GON4L: variants seen among roughly 807,000 people sequenced by gnomAD.
GON4L encodes the protein GON-4-like protein.
In GON4L, 87 loss-of-function variants were observed where a neutral mutation model predicts 211.8. The ratio of observed to expected loss-of-function variants is 0.41; its 90% CI spans 0.35 to 0.49. The LOEUF (loss-of-function observed/expected upper bound fraction) is 0.49. Among genes scored for constraint, GON4L ranks in the 20% least tolerant of loss-of-function variants. GON4L has a pLI of 0.15. For missense variants in GON4L, 2,155 were observed against 2,659.5 expected, an observed-to-expected ratio of 0.81 and a Z score of 4.17; for synonymous variants, 875 against 962.6, an observed-to-expected ratio of 0.91 and a Z score of 1.68.
chr1:155,824,032 G>A (rs1411574618), intron 3 of GON4L, among the ~76,000 whole-genome samples: 1 of 151,954 alleles, frequency 6.6e-6, no homozygotes, highest in Admixed American at 6.6e-5. Flanking sequence ...TCCACCCAAC[G>A]AAAAAGAAGT....
intron 10 of GON4L, among the ~76,000 whole-genome samples, chr1:155,807,878 TG>T (rs1667307142): frequency 6.6e-6 from 1 of 151,984 alleles, no homozygotes; most frequent in South Asian, 2.1e-4. Context: ...GCATTGAATC[TG>T]TAGATCAATT....
At chr1:155,785,144 A>G (rs751427066) in intron 13 of GON4L, 190 bp downstream of exon 13, 25 of 688,468 alleles carry the variant, frequency 3.6e-5, no homozygotes, top group Non-Finnish European at 6.2e-5. Flanking sequence ...AACAACATAC[A>G]TGTATATAAT....
chr1:155,773,560 G>C (rs762890308), intron 17 of GON4L: 3 of 233,404 alleles, frequency 1.3e-5, no homozygotes, highest in Non-Finnish European at 1.7e-5. Flanking sequence ...TGAAGGATAA[G>C]AGACCTTCAA....
At chr1:155,767,224 T>C (rs567304019) in intron 20 of GON4L, 20 of 1,263,582 alleles carry the variant, frequency 1.6e-5, no homozygotes, top group East Asian at 2.5e-5. Context: ...TAGCAAATTA[T>C]TATTTTACCT....
At chr1:155,812,650 G>A (rs1393917402) in intron 10 of GON4L, among the ~76,000 whole-genome samples, 1 of 151,780 alleles carries the variant, frequency 6.6e-6, no homozygotes, top group Admixed American at 6.6e-5. Context: ...CTGCCTCCCG[G>A]GTTCAAGCGA....
At chr1:155,833,389 CCT>C (rs1669974190) in intron 2 of GON4L, among the ~76,000 whole-genome samples, 1 of 152,032 alleles carries the variant, frequency 6.6e-6, no homozygotes, top group African/African-American at 2.4e-5. Flanking sequence ...GTGGCTCACA[CCT>C]GTGATCCCAG....
intron 6 of GON4L, among the ~76,000 whole-genome samples, chr1:155,816,884 A>C (rs1668299234): frequency 6.6e-6 from 1 of 151,868 alleles, no homozygotes; most frequent in African/African-American, 2.4e-5. Context: ...GAGAGATATA[A>C]AGCAAATATG....
intron 2 of GON4L, among the ~76,000 whole-genome samples, chr1:155,835,614 TG>T (rs1013616896): frequency 6.6e-6 from 1 of 152,172 alleles, no homozygotes; most frequent in African/African-American, 2.4e-5. Context: ...GGGACCCTCA[TG>T]GGCTGATGCC....
rs1002885633 is a variant in GON4L at position 155,794,991 on chromosome 1, G to A, written c.1747+59C>T. The stretch of plus-strand genomic sequence containing the variant: ...AACTTCACCCCTAAAAATCTACAAA[G>A]TAAACAAAGACAGCTGCAAAGCAGT... On this transcript the variant is annotated intron_variant, in intron 12 of 31. Coordinates refer to ENST00000368331, the MANE Select transcript of GON4L (RefSeq NM_001282860.2). 4 of 985,794 alleles carry A rather than the reference G, an allele frequency of 4.1e-6. No homozygotes were observed. In the Admixed American group the frequency reaches 5.1e-5, roughly 13 times the overall value. The allele number at this position is 985,794 out of a possible 1,614,324, so 61.1% of individuals were successfully genotyped here.
chr1:155,754,477 C>A lies in GON4L; in HGVS notation c.5529G>T (p.Trp1843Cys). The change falls in exon 28 of 32, where the codon TGG becomes TGT. Residue 1843 changes from tryptophan to cysteine, a missense_variant. Around this residue, in one of 6 missense-constraint regions of GON4L, gnomAD observed 455 missense variants for 504.6 expected, o/e 0.90. Coordinates refer to ENST00000368331, the MANE Select transcript of GON4L (RefSeq NM_001282860.2). Reference protein sequence around the residue: ...GVQNHDKETEWPDGAKDCACS... With the variant: ...GVQNHDKETECPDGAKDCACS... ...AGGCACAGTCCTTGGCCCCATCTGGCCATTCAGTCTCCTAGGAGATACTTG... is the reference window on the plus strand; with the variant it reads ...AGGCACAGTCCTTGGCCCCATCTGGACATTCAGTCTCCTAGGAGATACTTG... 1 of 1,601,646 alleles carries A rather than the reference C, an allele frequency of 6.2e-7. No individual in the cohort carries two copies. Among genetic ancestry groups the A allele is most frequent in the South Asian group, 1.1e-5 (1 of 90,824 alleles).
intron 11 of GON4L, among the ~76,000 whole-genome samples, chr1:155,795,795 G>A (rs1210877437): frequency 6.6e-6 from 1 of 152,038 alleles, no homozygotes; most frequent in Non-Finnish European, 1.5e-5. Flanking sequence ...ATGCCACCAT[G>A]CCCAACTAAT....
At chr1:155,745,697 C>T (rs1571592571), downstream of GON4L, 1 of 781,804 alleles carries the variant, frequency 1.3e-6, no homozygotes, top group Non-Finnish European at 2.0e-6. Flanking sequence ...CATCATTTCT[C>T]CAATGGGAAA....
Position 155,757,341 on chromosome 1 carries a change from G to C in GON4L, c.5254-18C>G, listed in dbSNP as rs749935897. 2.5e-6 allele frequency: 4 copies of C among 1,611,520 alleles called. No individual in the cohort carries two copies. The highest frequency in any genetic ancestry group is 1.3e-5 in the African/African-American group (1 of 74,948). On this transcript the variant is annotated intron_variant, in intron 25 of 31. Coordinates refer to ENST00000368331, the MANE Select transcript of GON4L (RefSeq NM_001282860.2). ...GTCTTGAGCTGAGGAGAGTCACAGA[G>C]GGAAAGAGGAAGTCTCCAGAGCCTC...
At chr1:155,760,964 CAT>C (rs1453204869) in intron 23 of GON4L, among the ~76,000 whole-genome samples, 5 of 152,144 alleles carry the variant, frequency 3.3e-5, no homozygotes, top group Admixed American at 6.5e-5. Flanking sequence ...AAATAGGTAA[CAT>C]GTGTTTGTAC....
chr1:155,794,659 A>T (rs1158794049), intron 12 of GON4L, among the ~76,000 whole-genome samples: 1 of 152,128 alleles, frequency 6.6e-6, no homozygotes, highest in Admixed American at 6.6e-5. Context: ...AGTCCATATC[A>T]TACACTAGGA....
intron 19 of GON4L, among the ~76,000 whole-genome samples, chr1:155,769,452 C>T (rs1181872266): frequency 1.4e-4 from 22 of 152,092 alleles, no homozygotes. Flanking sequence ...CCCAAAACAT[C>T]AGTGCAGCAA....
rs1344256639 is a variant in GON4L, at chr1:155,856,802, C to T, written c.-27+345G>A. Among the ~76,000 whole-genome samples the T allele has an allele frequency of 7.4e-5, 11 of 148,032 alleles. No individual in the cohort carries two copies. In the East Asian group the frequency reaches 2.1e-3, roughly 29 times the overall value. Reference sequence around the variant, plus strand: ...AGAAAGAAAAAGAAGGAAAGAAAGACAGCTACTTCAGCTCCAGGCACCTCA... The same window carrying T: ...AGAAAGAAAAAGAAGGAAAGAAAGATAGCTACTTCAGCTCCAGGCACCTCA... On this transcript the variant is annotated intron_variant, in intron 1 of 31. Coordinates refer to ENST00000368331, the MANE Select transcript of GON4L (RefSeq NM_001282860.2).
At chr1:155,797,676 C>T (rs555606010) in intron 11 of GON4L, among the ~76,000 whole-genome samples, 2 of 149,448 alleles carry the variant, frequency 1.3e-5, no homozygotes, top group African/African-American at 2.5e-5. Context: ...AGACCCCCCC[C>T]CTCCCGTCTC....
At chr1:155,803,949 G>T (rs1342193230) in intron 11 of GON4L, among the ~76,000 whole-genome samples, 2 of 152,200 alleles carry the variant, frequency 1.3e-5, no homozygotes, top group Non-Finnish European at 2.9e-5. Context: ...TTCCACTGCT[G>T]ATTTACTACA....
Sources: allele counts gnomAD v4.1 joint callset (sites outside exome capture counted in the v4.1 genomes callset), GRCh38; gene constraint gnomAD v4.1.1; regional missense constraint gnomAD v4.1.1; transcripts MANE v1.5; gene names NCBI Gene and HGNC (gene_info 2026-07-23, HGNC 2026-07-21).